Variants in PTPRG observed in about 807,000 individuals in gnomAD.
The protein encoded by PTPRG is protein tyrosine phosphatase receptor type G.
A neutral mutation model predicts 165.3 loss-of-function variants in PTPRG; 102 were observed. The observed-to-expected ratio is 0.62, with a 90% CI of 0.53 to 0.73. PTPRG has a LOEUF of 0.73. PTPRG is among the 30% of genes least tolerant of loss of function. The probability of loss-of-function intolerance (pLI) is 0.00; values close to 1 mark genes in which losing one functional copy is unlikely to be tolerated. For synonymous variants in PTPRG, 675 were observed against 669.5 expected (o/e 1.01, Z -0.13); for missense variants, 1,866 against 1,861.4 (o/e 1.00, Z -0.05).
chr3:61,635,849 A>G (rs1701894762), intron 1 of PTPRG, among the ~76,000 whole-genome samples: 1 of 152,078 alleles, frequency 6.6e-6, no homozygotes, highest in Admixed American at 6.6e-5. Flanking sequence ...AAAATATTAG[A>G]GTTTTGGTAT....
chr3:61,889,282 T>A (rs1040154007), intron 2 of PTPRG, among the ~76,000 whole-genome samples: 1 of 152,202 alleles, frequency 6.6e-6, no homozygotes, highest in Admixed American at 6.5e-5. Flanking sequence ...CCTCCTCTAG[T>A]TATTTATTCG....
chr3:62,089,718 T>C (rs985926901), intron 5 of PTPRG, among the ~76,000 whole-genome samples: 3 of 152,224 alleles, frequency 2.0e-5, no homozygotes, highest in Admixed American at 2.0e-4. Context: ...AAATTCTATT[T>C]TTCTTGGCTC....
At position 61,834,116 on chromosome 3, in the gene PTPRG, A is replaced by G. The variant is rs373330509; in HGVS notation, c.190+85134A>G. ...ACTCTTTTAGGTTATTTGTCAAAGA[A>G]CACATTTGCCTTGGAAGGATGTTTG... On this transcript the variant is annotated intron_variant, in intron 2 of 29. Coordinates refer to ENST00000474889, the MANE Select transcript of PTPRG (RefSeq NM_002841.4). Among the ~76,000 whole-genome samples the G allele has an allele frequency of 1.1e-4, 16 of 152,274 alleles. No individual in the cohort carries two copies. In the East Asian group the frequency reaches 3.1e-3, roughly 29 times the overall value.
At chr3:61,740,521 T>G (rs2032934320) in intron 1 of PTPRG, among the ~76,000 whole-genome samples, 1 of 152,188 alleles carries the variant, frequency 6.6e-6, no homozygotes, top group Non-Finnish European at 1.5e-5. Flanking sequence ...CAATGTTTTG[T>G]CCATTTTAGC....
chr3:61,612,473 A>C (rs560304013), intron 1 of PTPRG, among the ~76,000 whole-genome samples: 1 of 152,284 alleles, frequency 6.6e-6, no homozygotes, highest in South Asian at 2.1e-4. Flanking sequence ...GCAGTACTGC[A>C]TGTGGCCTGT....
intron 2 of PTPRG, chr3:61,749,392 G>C (rs997111938): frequency 3.4e-6 from 1 of 297,960 alleles, no homozygotes; most frequent in Non-Finnish European, 6.5e-6. Flanking sequence ...TGCTCTATTA[G>C]GCTCTAAGCC....
chr3:62,023,510 C>A (rs1228919614), intron 4 of PTPRG, among the ~76,000 whole-genome samples: 1 of 150,496 alleles, frequency 6.6e-6, no homozygotes, highest in Admixed American at 6.6e-5. Context: ...GGTTTGGAGC[C>A]TTTCTTATTC....
intron 1 of PTPRG, among the ~76,000 whole-genome samples, chr3:61,569,324 G>T (rs751743805): frequency 1.5e-4 from 23 of 152,140 alleles, no homozygotes; most frequent in Non-Finnish European, 2.4e-4. Context: ...TACCCTCTCT[G>T]TGCCTCATTA....
At chr3:62,176,755 C>A (rs1054020981) in intron 8 of PTPRG, among the ~76,000 whole-genome samples, 1 of 151,990 alleles carries the variant, frequency 6.6e-6, no homozygotes. Flanking sequence ...TCTTGTGCAT[C>A]CTTGGATGAG....
At chr3:62,166,635 C>T (rs1704997014) in intron 7 of PTPRG, among the ~76,000 whole-genome samples, 1 of 151,906 alleles carries the variant, frequency 6.6e-6, no homozygotes, top group Admixed American at 6.6e-5. Flanking sequence ...CGGGCCTGGC[C>T]AGAATTACCT....
At chr3:61,980,914 C>T (rs2040626514) in intron 2 of PTPRG, among the ~76,000 whole-genome samples, 2 of 152,198 alleles carry the variant, frequency 1.3e-5, no homozygotes, top group Non-Finnish European at 2.9e-5. Context: ...CCCCTACAGG[C>T]TCTGAACAAA....
intron 3 of PTPRG, among the ~76,000 whole-genome samples, chr3:62,000,014 G>A (rs1343346227): frequency 6.6e-6 from 1 of 151,954 alleles, no homozygotes. Context: ...TCCCCCCCAG[G>A]CCCGGGCTGG....
intron 1 of PTPRG, among the ~76,000 whole-genome samples, chr3:61,643,289 G>GAGAGAGAGAGAGAC (rs1491229034): frequency 6.6e-6 from 1 of 151,970 alleles, no homozygotes; most frequent in African/African-American, 2.4e-5. Context: ...GAGAGAGAGA[G>GAGAGAGAGAGAGAC]AGAGACAGAG....
intron 9 of PTPRG, among the ~76,000 whole-genome samples, chr3:62,191,984 T>A (rs1699837609): frequency 1.3e-5 from 2 of 152,240 alleles, no homozygotes; most frequent in Non-Finnish European, 2.9e-5. Context: ...GGGATTATCA[T>A]AAATACTAAA....
chr3:61,981,265 A>C (rs1209767847), intron 2 of PTPRG, among the ~76,000 whole-genome samples: 1 of 152,184 alleles, frequency 6.6e-6, no homozygotes, highest in Admixed American at 6.5e-5. Context: ...CGCTTCCATG[A>C]CACATGGAGA....
At chr3:62,276,843 A>C in intron 24 of PTPRG, 129 bp from the exon 25 acceptor site, 1 of 694,092 alleles carries the variant, frequency 1.4e-6, no homozygotes, top group Non-Finnish European at 2.4e-6. Context: ...GCTTGTTTAA[A>C]AATATAGATA....
At chr3:62,047,322 T>G (rs1575933954) in intron 4 of PTPRG, among the ~76,000 whole-genome samples, 2 of 151,934 alleles carry the variant, frequency 1.3e-5, no homozygotes, top group Non-Finnish European at 2.9e-5. Flanking sequence ...TGCAGTGGCA[T>G]GATCTCAGCT....
intron 2 of PTPRG, among the ~76,000 whole-genome samples, chr3:61,986,455 A>AG (rs113770948): frequency 0.011 from 1,662 of 152,112 alleles, 30 homozygotes; most frequent in African/African-American, 0.038. Flanking sequence ...ACTTTTAGCC[A>AG]GGGGTTTCAG....
In PTPRG at chr3:62,232,858, C is replaced by A. The variant is rs544087312; in HGVS notation, c.2375+1547C>A. ...CTCTGATTGTGAATCATATCATTTA[C>A]TTTTTTAAATAGTGTAGCAGCTTAA... On this transcript the variant is annotated intron_variant, in intron 14 of 29. Coordinates refer to ENST00000474889, the MANE Select transcript of PTPRG (RefSeq NM_002841.4). 3.9e-5 allele frequency among the ~76,000 whole-genome samples: 6 copies of A among 152,266 alleles called. No individual in the cohort carries two copies. In the South Asian group the frequency reaches 1.2e-3, roughly 32 times the overall value.
Sources: gnomAD v4.1 joint callset for allele counts (sites outside exome capture counted in the v4.1 genomes callset) on GRCh38, gnomAD v4.1.1 for gene constraint, MANE v1.5 for transcripts, NCBI Gene and HGNC (gene_info 2026-07-23, HGNC 2026-07-21) for gene names.